Variants in TAS1R2 observed in about 807,000 individuals in gnomAD.
TAS1R2 encodes the protein taste 1 receptor member 2.
In TAS1R2, 47 loss-of-function variants were observed where a neutral mutation model predicts 49.3. That is an observed-to-expected ratio of 0.95 (90% CI 0.75 to 1.22). The LOEUF is 1.22. Ranked by LOEUF, TAS1R2 falls within the 50% of genes most tolerant of loss-of-function variation. The pLI, the probability that TAS1R2 is intolerant of heterozygous loss-of-function variation, is 0.00. For synonymous variants in TAS1R2, 479 were observed against 467.9 expected, an observed-to-expected ratio of 1.02 and a Z score of -0.31; for missense variants, 1,155 against 1,122.1, an observed-to-expected ratio of 1.03 and a Z score of -0.42.
intron 3 of TAS1R2, among the ~76,000 whole-genome samples, chr1:18,852,299 A>T (rs1214974860): frequency 1.3e-5 from 2 of 152,194 alleles, no homozygotes; most frequent in Non-Finnish European, 2.9e-5. Context: ...TGAGCCCTTC[A>T]TGAGGGGGTC....
intron 3 of TAS1R2, among the ~76,000 whole-genome samples, chr1:18,852,609 C>T (rs1026739989): frequency 3.3e-5 from 5 of 152,100 alleles, no homozygotes; most frequent in African/African-American, 9.7e-5. Context: ...GCTCTATGAA[C>T]GCCTGCTGCC....
intron 4 of TAS1R2, among the ~76,000 whole-genome samples, chr1:18,846,278 G>T (rs149527253): frequency 3.7e-4 from 57 of 152,310 alleles, no homozygotes; most frequent in African/African-American, 1.2e-3. Flanking sequence ...GGGAGCTAGT[G>T]GATTACTGCC....
In TAS1R2 at chr1:18,854,988, T is replaced by A; in HGVS notation, c.484-2A>T. ...ATCGCTGATGGCGCTGTAGGTGATC[T>A]GCAAGGGGAAGGGCTGTGGCATGAG... On this transcript the variant is annotated splice_acceptor_variant, in intron 2 of 5. Coordinates refer to ENST00000375371, the Ensembl canonical transcript of TAS1R2. LOFTEE classifies it high-confidence loss of function. This position sits in a 1 kb window ranked among gnomAD's most constrained non-coding sequence, Gnocchi z 4.9. The A allele has an allele frequency of 6.2e-7, 1 of 1,601,270 alleles. No homozygotes were observed. Among genetic ancestry groups the A allele is most frequent in the Non-Finnish European group, 8.5e-7 (1 of 1,169,768 alleles).
chr1:18,849,182 A>C, intron 4 of TAS1R2, 159 bp downstream of exon 4: 1 of 774,892 alleles, frequency 1.3e-6, no homozygotes, highest in Non-Finnish European at 2.0e-6. Flanking sequence ...CAATGGGGGA[A>C]GGAAAGGACC....
At chr1:18,841,780 A>G in exon 5 of TAS1R2, 3 of 1,614,060 alleles carry the variant, frequency 1.9e-6, no homozygotes, top group Non-Finnish European at 2.5e-6. Context: ...CACTCGAAGC[A>G]GCAGACGTGG....
chr1:18,849,627 T>G (rs953193667), intron 3 of TAS1R2, 77 bp from the exon 4 acceptor site: 6 of 1,503,066 alleles, frequency 4.0e-6, no homozygotes, highest in Non-Finnish European at 5.5e-6. Context: ...CTGGGAAAGA[T>G]TCTACCATTC....
At position 18,850,690 on chromosome 1, in the gene TAS1R2, G is replaced by A. The variant is rs79893228; in HGVS notation, c.1258-1140C>T. Among the ~76,000 whole-genome samples the A allele has an allele frequency of 5.3e-3, 809 of 152,372 alleles. 9 individuals carry two copies. The highest frequency in any genetic ancestry group is 0.018 in the African/African-American group (757 of 41,586). ...TCCAAGATATCACCCCCAAGGGGTC[G>A]GAAAGCACTGGCCTTGTAATTGTCC... On this transcript the variant is annotated intron_variant, in intron 3 of 5. Transcript: ENST00000375371.
chr1:18,848,058 T>C (rs192760219), intron 4 of TAS1R2, among the ~76,000 whole-genome samples: 1 of 152,270 alleles, frequency 6.6e-6, no homozygotes, highest in African/African-American at 2.4e-5. Context: ...TGGATCCCTC[T>C]CACAACATGT....
chr1:18,855,136 C>A, intron 2 of TAS1R2, 150 bp from the exon 3 acceptor site: 1 of 931,854 alleles, frequency 1.1e-6, no homozygotes, highest in Non-Finnish European at 1.6e-6. Flanking sequence ...TCATCATGGT[C>A]CCCAGGTAGC....
chr1:18,846,600 C>T (rs1241527762), intron 4 of TAS1R2, among the ~76,000 whole-genome samples: 1 of 152,170 alleles, frequency 6.6e-6, no homozygotes, highest in Admixed American at 6.5e-5. Flanking sequence ...AGAATGTGAC[C>T]TCATTAAGAA....
rs374637435 is a variant in TAS1R2, at chr1:18,854,582, G to A, written c.888C>T (p.Ala296=). 3.5e-5 allele frequency: 57 copies of A among 1,613,792 alleles called. 1 individual carries two copies. The highest frequency in any genetic ancestry group is 1.1e-4 in the South Asian group (10 of 91,080). ...CCCAGGACTCGGAGGCGATCCACAC[G>A]GCGCCAGTGAAGTTCTGGCGCAGCA... The change falls in exon 3 of 6, where the codon GCC becomes GCT. Residue 296 remains alanine, a synonymous_variant. Coordinates refer to ENST00000375371, the Ensembl canonical transcript of TAS1R2. This position sits in a 1 kb window ranked among gnomAD's most constrained non-coding sequence, Gnocchi z 4.9.
At chr1:18,846,298 C>T (rs542771791) in intron 4 of TAS1R2, among the ~76,000 whole-genome samples, 1 of 152,342 alleles carries the variant, frequency 6.6e-6, no homozygotes, top group African/African-American at 2.4e-5. Context: ...CACCCTCCTC[C>T]CTCCTCTGGG....
In TAS1R2 at chr1:18,849,559, G is replaced by T. The variant is rs767660474; in HGVS notation, c.1258-9C>A. ...CAGATCTCCTCAAGCAGCTGGCGGGGTCAGAGGGAAGGGAAGTGGAGCTAG... is the reference window on the plus strand; with the variant it reads ...CAGATCTCCTCAAGCAGCTGGCGGGTTCAGAGGGAAGGGAAGTGGAGCTAG... On this transcript the variant is annotated splice_polypyrimidine_tract_variant and intron_variant, in intron 3 of 5. Transcript: ENST00000375371. 1 of 1,613,910 alleles carries T rather than the reference G, an allele frequency of 6.2e-7. No individual in the cohort carries two copies. The highest frequency in any genetic ancestry group is 8.5e-7 in the Non-Finnish European group (1 of 1,179,862).
chr1:18,855,253 C>A (rs905673792), intron 2 of TAS1R2, among the ~76,000 whole-genome samples: 2 of 152,182 alleles, frequency 1.3e-5, no homozygotes, highest in Non-Finnish European at 1.5e-5. Flanking sequence ...TGGGCCAAGC[C>A]ACATACACCA....
At chr1:18,840,953 G>A (rs140653363) in intron 5 of TAS1R2, among the ~76,000 whole-genome samples, 4 of 152,352 alleles carry the variant, frequency 2.6e-5, no homozygotes, top group African/African-American at 9.6e-5. Context: ...GAAGGCCACA[G>A]AGAGATGGAT....
chr1:18,841,982 T>TTGA, intron 4 of TAS1R2, 130 bp from the exon 5 acceptor site: 3 of 521,030 alleles, frequency 5.8e-6, no homozygotes, highest in Non-Finnish European at 7.8e-6. Flanking sequence ...GTGGAAACTG[T>TTGA]AGAAAAAAAA....
intron 4 of TAS1R2, 127 bp from the exon 5 acceptor site, chr1:18,841,979 C>T: frequency 2.1e-5 from 12 of 570,868 alleles, no homozygotes; most frequent in East Asian, 4.7e-5. Flanking sequence ...GGGGTGGAAA[C>T]TGTAGAAAAA....
chr1:18,855,025 C>A, intron 2 of TAS1R2, 39 bp from the exon 3 acceptor site: 1 of 1,577,696 alleles, frequency 6.3e-7, no homozygotes, highest in Non-Finnish European at 8.6e-7. Context: ...GAGTGCCCCG[C>A]TGGGTGCTCT....
chr1:18,847,123 A>T (rs1467407404), intron 4 of TAS1R2, among the ~76,000 whole-genome samples: 2 of 152,090 alleles, frequency 1.3e-5, no homozygotes, highest in East Asian at 3.9e-4. Flanking sequence ...TGCCCATGCA[A>T]CCTCTTTTCT....
Sources: allele counts gnomAD v4.1 joint callset (sites outside exome capture counted in the v4.1 genomes callset), GRCh38; gene constraint gnomAD v4.1.1; non-coding constraint Gnocchi (gnomAD v3.1); transcripts MANE v1.5; gene names NCBI Gene and HGNC (gene_info 2026-07-23, HGNC 2026-07-21).